Variants in LRRC49 observed in about 807,000 individuals in gnomAD.
The protein encoded by LRRC49 is leucine rich repeat containing 49.
LRRC49 carries 50 observed loss-of-function variants against 83.3 expected under a neutral mutation model. The ratio of observed to expected loss-of-function variants is 0.60; its 90% CI spans 0.48 to 0.76. The LOEUF (loss-of-function observed/expected upper bound fraction) is 0.76. Among genes scored for constraint, LRRC49 ranks in the 30% least tolerant of loss-of-function variants. The probability of loss-of-function intolerance (pLI) is 0.00; values close to 1 mark genes in which losing one functional copy is unlikely to be tolerated. For synonymous variants in LRRC49, 286 were observed against 283.3 expected (o/e 1.01, Z -0.10); for missense variants, 704 against 809.1 (o/e 0.87, Z 1.58).
chr15:70,909,839 A>ACACAC (rs2034474539), intron 5 of LRRC49, among the ~76,000 whole-genome samples: 2 of 136,090 alleles, frequency 1.5e-5, no homozygotes, highest in African/African-American at 5.5e-5. Context: ...CTCCATCTCA[A>ACACAC]ACACACACAC....
At chr15:70,892,824 GTC>G in exon 1 of LRRC49, 1 of 1,614,052 alleles carries the variant, frequency 6.2e-7, no homozygotes, top group Non-Finnish European at 8.5e-7. Flanking sequence ...CCTCTTTCGG[GTC>G]TCTTTGAATC....
At position 71,012,805 on chromosome 15, in the gene LRRC49, T is replaced by C; in HGVS notation, c.1595T>C (p.Val532Ala). 2 of 1,584,494 alleles carry C rather than the reference T, an allele frequency of 1.3e-6. No homozygotes were observed. Among genetic ancestry groups the C allele is most frequent in the Non-Finnish European group, 1.7e-6 (2 of 1,155,954 alleles). The change falls in exon 14 of 16, where the codon GTG (valine) becomes GCG (alanine). Residue 532 changes from valine (V) to alanine (A), a missense_variant and splice_region_variant. Val to Ala is a moderately conservative substitution (Grantham distance 64, BLOSUM62 0). Coordinates refer to ENST00000260382, the MANE Select transcript of LRRC49 (RefSeq NM_017691.5). ...CCCCTTTCTATTGTGTCTCTTCAGGTGACACAGAATGATATGATAATGGCT... is the reference window on the plus strand; with the variant it reads ...CCCCTTTCTATTGTGTCTCTTCAGGCGACACAGAATGATATGATAATGGCT... ...FSMQKINGTE[V>A]TQNDMIMAER... is the part of the protein sequence containing the mutation.
intron 2 of LRRC49, among the ~76,000 whole-genome samples, chr15:70,883,567 T>C (rs1038381423): frequency 6.6e-6 from 1 of 152,162 alleles, no homozygotes; most frequent in African/African-American, 2.4e-5. Context: ...AATCATTTGT[T>C]CTTTATACTT....
At chr15:70,902,353 C>T (rs1175981053) in intron 4 of LRRC49, among the ~76,000 whole-genome samples, 1 of 152,100 alleles carries the variant, frequency 6.6e-6, no homozygotes, top group African/African-American at 2.4e-5. Context: ...GAAGATGGGT[C>T]CTTAACAGCA....
chr15:70,912,823 C>T (rs1361230310), intron 6 of LRRC49, among the ~76,000 whole-genome samples: 2 of 151,990 alleles, frequency 1.3e-5, no homozygotes, highest in African/African-American at 4.8e-5. Context: ...ACTACAGGTG[C>T]CCGCCACCAT....
Position 70,991,430 on chromosome 15 carries a change from G to C in LRRC49, c.1169+7173G>C, listed in dbSNP as rs1290105237. Among the ~76,000 whole-genome samples the C allele has an allele frequency of 2.6e-5, 4 of 152,306 alleles. No homozygotes were observed. In the East Asian group the frequency reaches 5.8e-4, roughly 22 times the overall value. On this transcript the variant is annotated intron_variant, in intron 11 of 15. Coordinates refer to ENST00000260382, the MANE Select transcript of LRRC49 (RefSeq NM_017691.5). ...CAATTCCCTTATATAAAATGGGATA[G>C]TATTTGCATATAACCTATATTCTTC...
chr15:70,994,486 A>AT (rs2038010966), intron 11 of LRRC49, among the ~76,000 whole-genome samples: 1 of 151,690 alleles, frequency 6.6e-6, no homozygotes, highest in Non-Finnish European at 1.5e-5. Context: ...TTATTTATTT[A>AT]TTTATTGAGA....
chr15:70,859,343 G>T, intron 1 of LRRC49: 1 of 780,578 alleles, frequency 1.3e-6, no homozygotes. Flanking sequence ...GATAGAGCTG[G>T]AGTCTTGCCT....
At chr15:70,883,075 A>C (rs2033308007) in intron 2 of LRRC49, among the ~76,000 whole-genome samples, 1 of 152,182 alleles carries the variant, frequency 6.6e-6, no homozygotes, top group African/African-American at 2.4e-5. Flanking sequence ...ACCTTTTATG[A>C]ATTCTGCCAT....
intron 7 of LRRC49, among the ~76,000 whole-genome samples, chr15:70,929,638 T>C (rs970248039): frequency 3.9e-5 from 6 of 152,226 alleles, no homozygotes; most frequent in Admixed American, 2.0e-4. Context: ...TACTGTTTGA[T>C]AGCATTTTAC....
chr15:70,953,087 G>A (rs973680560), intron 8 of LRRC49, among the ~76,000 whole-genome samples: 7 of 152,006 alleles, frequency 4.6e-5, no homozygotes, highest in South Asian at 2.1e-4. Flanking sequence ...TATCTAACTG[G>A]GCACACTATC....
chr15:70,883,284 C>T (rs942986869), intron 2 of LRRC49, among the ~76,000 whole-genome samples: 4 of 152,068 alleles, frequency 2.6e-5, no homozygotes, highest in African/African-American at 4.8e-5. Flanking sequence ...CTCCGCCTGC[C>T]GGGTTCAAGT....
chr15:71,000,493 A>G (rs1419846539), intron 11 of LRRC49, among the ~76,000 whole-genome samples: 1 of 152,176 alleles, frequency 6.6e-6, no homozygotes, highest in Admixed American at 6.5e-5. Flanking sequence ...GAATTAAGCT[A>G]TGTTTGTCTC....
chr15:70,892,573 G>T, upstream of LRRC49: 1 of 1,484,448 alleles, frequency 6.7e-7, no homozygotes, highest in Non-Finnish European at 8.9e-7. Context: ...GGAACGGACC[G>T]GAAGTGGTGG....
intron 8 of LRRC49, among the ~76,000 whole-genome samples, chr15:70,943,494 A>G (rs2035895950): frequency 1.3e-5 from 2 of 152,168 alleles, no homozygotes; most frequent in South Asian, 2.1e-4. Context: ...ATACGTTGGC[A>G]TACTTCCCAG....
chr15:71,043,656 A>T (rs1378740779), intron 15 of LRRC49, among the ~76,000 whole-genome samples: 1 of 152,214 alleles, frequency 6.6e-6, no homozygotes, highest in Admixed American at 6.5e-5. Flanking sequence ...AGGAGAAATC[A>T]TGAAGTAGAA....
chr15:70,963,275 CA>C (rs765094754), intron 8 of LRRC49, among the ~76,000 whole-genome samples: 26,575 of 70,640 alleles, frequency 0.38, 2,326 homozygotes, highest in Non-Finnish European at 0.42. Flanking sequence ...GACCTGGTCT[CA>C]AAAAAAAAAA....
At position 71,037,557 on chromosome 15, in the gene LRRC49, G is replaced by GA. The variant is rs375402407; in HGVS notation, c.1857+235dup. On this transcript the variant is annotated intron_variant, in intron 15 of 15. Transcript: ENST00000260382. ...GGGTTTCAGTATCGTTATTTCAGCA[G>GA]AAAAAAAAAATGCTCAAAAGAAATC... 1.3e-3 allele frequency among the ~76,000 whole-genome samples: 197 copies of GA among 147,858 alleles called. 3 individuals are homozygous for GA. The highest frequency in any genetic ancestry group is 3.8e-3 in the African/African-American group (153 of 40,362).
At chr15:70,866,599 T>A in intron 1 of LRRC49, among the ~76,000 whole-genome samples, 1 of 152,104 alleles carries the variant, frequency 6.6e-6, no homozygotes, top group East Asian at 1.9e-4. Context: ...GAAGTTTAAA[T>A]CATCTTCAAG....
Sources: allele counts gnomAD v4.1 joint callset (sites outside exome capture counted in the v4.1 genomes callset), GRCh38; gene constraint gnomAD v4.1.1; transcripts MANE v1.5; gene names NCBI Gene and HGNC (gene_info 2026-07-23, HGNC 2026-07-21).